Variants in PCGF5 observed in about 807,000 individuals in gnomAD.
PCGF5 encodes the protein polycomb group ring finger 5, also known as polycomb group RING finger protein 5.
PCGF5 carries 9 observed loss-of-function variants against 44.3 expected under a neutral mutation model. That is an observed-to-expected ratio of 0.20 (90% CI 0.12 to 0.35). The LOEUF (loss-of-function observed/expected upper bound fraction) is 0.35, where lower values mean the gene tolerates loss of function less well. Among genes scored for constraint, PCGF5 ranks in the 10% least tolerant of loss-of-function variants. The pLI is 1.00. For synonymous variants in PCGF5, 95 were observed against 102.5 expected (o/e 0.93, Z 0.44); for missense variants, 146 against 305.3 (o/e 0.48, Z 3.89).
Position 91,248,730 on chromosome 10 carries a change from T to C in PCGF5, c.325+6T>C. On this transcript the variant is annotated splice_donor_region_variant and intron_variant, in intron 5 of 9. Transcript: ENST00000336126. ...GCCTCAAGAAAATGGACAAGGTGACTTTTTCTTATGTCTGTTTCTGACAGC... is the reference window on the plus strand; with the variant it reads ...GCCTCAAGAAAATGGACAAGGTGACCTTTTCTTATGTCTGTTTCTGACAGC... 6.2e-7 allele frequency: 1 copy of C among 1,603,364 alleles called. No individual in the cohort carries two copies. The highest frequency in any genetic ancestry group is 8.5e-7 in the Non-Finnish European group (1 of 1,173,862).
At chr10:91,269,217 A>C (rs976218385) in intron 8 of PCGF5, among the ~76,000 whole-genome samples, 1 of 152,210 alleles carries the variant, frequency 6.6e-6, no homozygotes, top group Admixed American at 6.5e-5. Context: ...CTTTCCCTGT[A>C]GTTTCCACAT....
chr10:91,205,413 A>G (rs552261001), intron 1 of PCGF5, among the ~76,000 whole-genome samples: 2 of 152,114 alleles, frequency 1.3e-5, no homozygotes, highest in Non-Finnish European at 2.9e-5. Context: ...ACACCCATAG[A>G]CCTAGATATT....
chr10:91,220,218 T>A (rs1376550460), upstream of PCGF5: 1 of 143,674 alleles, frequency 7.0e-6, no homozygotes, highest in Non-Finnish European at 1.5e-5. Context: ...CAGTAACAAG[T>A]TTGTCAGTCA....
chr10:91,266,697 A>G (rs1172838063), intron 8 of PCGF5, among the ~76,000 whole-genome samples: 3 of 152,136 alleles, frequency 2.0e-5, no homozygotes, highest in African/African-American at 4.8e-5. Flanking sequence ...CACAACCTCA[A>G]TAGTTCTAAG....
chr10:91,186,706 A>G (rs1379535613), intron 1 of PCGF5, among the ~76,000 whole-genome samples: 1 of 152,056 alleles, frequency 6.6e-6, no homozygotes, highest in African/African-American at 2.4e-5. Flanking sequence ...CCTAGATTCA[A>G]CTAGGGATGT....
chr10:91,207,699 A>C (rs896801638), intron 1 of PCGF5, among the ~76,000 whole-genome samples: 1 of 152,002 alleles, frequency 6.6e-6, no homozygotes, highest in African/African-American at 2.4e-5. Context: ...ATCTTTCTCA[A>C]TTTTTCTTTG....
intron 6 of PCGF5, among the ~76,000 whole-genome samples, chr10:91,257,154 T>C (rs1845776136): frequency 6.6e-6 from 1 of 151,966 alleles, no homozygotes; most frequent in African/African-American, 2.4e-5. Flanking sequence ...AAGGCTTGAA[T>C]AAACATTCCT....
upstream of PCGF5, among the ~76,000 whole-genome samples, chr10:91,160,715 G>GA (rs1320469710): frequency 1.3e-5 from 2 of 152,132 alleles, no homozygotes; most frequent in Non-Finnish European, 2.9e-5. Context: ...AGACGAGACA[G>GA]AAAAAAGAAA....
At chr10:91,173,578 C>CTTTTTTTTT (rs59254639) in intron 1 of PCGF5, among the ~76,000 whole-genome samples, 31,549 of 112,878 alleles carry the variant, frequency 0.28, 4,898 homozygotes, top group Non-Finnish European at 0.33. Context: ...AGGGAGTTGG[C>CTTTTTTTTT]TTTTTTTTTT....
In PCGF5 at chr10:91,248,333, T is replaced by A. The variant is rs564542421; in HGVS notation, c.210-172T>A. Among the ~76,000 whole-genome samples the A allele has an allele frequency of 1.8e-4, 27 of 152,212 alleles. No homozygotes were observed. In the South Asian group the frequency reaches 5.4e-3, roughly 30 times the overall value. ...ACCATTTTTGTTATCAGTCTACTAC[T>A]GGGGAAGGCTGTAAATAAGTGTGTT... On this transcript the variant is annotated intron_variant, in intron 3 of 9. Transcript: ENST00000336126.
chr10:91,224,174 G>T (rs892328617), intron 2 of PCGF5, among the ~76,000 whole-genome samples: 1 of 152,146 alleles, frequency 6.6e-6, no homozygotes, highest in African/African-American at 2.4e-5. Context: ...ACCCTGCCTG[G>T]GGAGATAAAG....
At chr10:91,178,623 A>T (rs1843758779) in intron 1 of PCGF5, among the ~76,000 whole-genome samples, 1 of 152,082 alleles carries the variant, frequency 6.6e-6, no homozygotes, top group South Asian at 2.1e-4. Context: ...CCCCTGGGCC[A>T]GCCAGTCCTC....
chr10:91,196,763 G>T (rs969911268), intron 1 of PCGF5, among the ~76,000 whole-genome samples: 2 of 152,204 alleles, frequency 1.3e-5, no homozygotes, highest in Admixed American at 1.3e-4. Flanking sequence ...CTGCATGGAA[G>T]GAGCCTTGTC....
chr10:91,207,225 A>T (rs534526463), intron 1 of PCGF5, among the ~76,000 whole-genome samples: 1 of 152,332 alleles, frequency 6.6e-6, no homozygotes, highest in South Asian at 2.1e-4. Flanking sequence ...AGGGATGTGC[A>T]GCTGGTGGTA....
At chr10:91,216,285 G>A (rs1409125967), upstream of PCGF5, among the ~76,000 whole-genome samples, 1 of 152,198 alleles carries the variant, frequency 6.6e-6, no homozygotes. Flanking sequence ...CAGCTAATAC[G>A]TGAAAGGATA....
chr10:91,216,514 A>C (rs1275017139), upstream of PCGF5, among the ~76,000 whole-genome samples: 1 of 152,212 alleles, frequency 6.6e-6, no homozygotes, highest in East Asian at 1.9e-4. Flanking sequence ...GAGGTTTTTT[A>C]AAGCCAGAGA....
Position 91,248,524 on chromosome 10 carries a change from GA to G in PCGF5, c.232del (p.Ile78LeufsTer42), listed in dbSNP as rs1845531190. On this transcript the variant is annotated frameshift_variant, in exon 4 of 10. Coordinates refer to ENST00000336126, the MANE Select transcript of PCGF5 (RefSeq NM_032373.5). LOFTEE classifies it high-confidence loss of function. ...EMLRLDNTLEEIIFKLVPGLR... is the reference protein window; with the variant it reads ...EMLRLDNTLEXIIFKLVPGLR... Reference sequence around the variant, plus strand: ...TCGAAGGTTGGACAATACATTAGAGGAAATTATATTTAAGCTGGTCCCTGGA... The same window carrying G: ...TCGAAGGTTGGACAATACATTAGAGGAATTATATTTAAGCTGGTCCCTGGA... 6.2e-7 allele frequency: 1 copy of G among 1,612,970 alleles called. No individual in the cohort carries two copies. Among genetic ancestry groups the G allele is most frequent in the Non-Finnish European group, 8.5e-7 (1 of 1,179,252 alleles).
intron 1 of PCGF5, among the ~76,000 whole-genome samples, chr10:91,189,879 T>G (rs1299514966): frequency 1.3e-5 from 2 of 152,190 alleles, no homozygotes; most frequent in African/African-American, 4.8e-5. Flanking sequence ...TTTTGAAAGG[T>G]TTTCCTCAAC....
intron 2 of PCGF5, among the ~76,000 whole-genome samples, chr10:91,228,401 A>G: frequency 6.6e-6 from 1 of 152,164 alleles, no homozygotes; most frequent in Non-Finnish European, 1.5e-5. Context: ...AAGGATGTTT[A>G]TAGACATAGA....
Sources: gnomAD v4.1 joint callset for allele counts (sites outside exome capture counted in the v4.1 genomes callset) on GRCh38, gnomAD v4.1.1 for gene constraint, MANE v1.5 for transcripts, NCBI Gene and HGNC (gene_info 2026-07-23, HGNC 2026-07-21) for gene names.